The following PTPN14 variants were observed in gnomAD, a reference collection of about 807,000 sequenced individuals.
PTPN14 encodes the protein protein tyrosine phosphatase non-receptor type 14.
In PTPN14, 53 loss-of-function variants were observed where a neutral mutation model predicts 126.8. The observed-to-expected ratio is 0.42, with a 90% confidence interval of 0.34 to 0.53. The LOEUF (loss-of-function observed/expected upper bound fraction) is 0.53, where lower values mean the gene tolerates loss of function less well. PTPN14 is among the 20% of genes least tolerant of loss of function. The probability of loss-of-function intolerance (pLI) is 0.08; values close to 1 mark genes in which losing one functional copy is unlikely to be tolerated. For missense variants in PTPN14, 1,257 were observed against 1,552.9 expected, an observed-to-expected ratio of 0.81 and a Z score of 3.20; for synonymous variants, 630 against 599.3, an observed-to-expected ratio of 1.05 and a Z score of -0.75.
chr1:214,365,799 G>C (rs1017366866), intron 17 of PTPN14, among the ~76,000 whole-genome samples: 1 of 152,156 alleles, frequency 6.6e-6, no homozygotes, highest in Non-Finnish European at 1.5e-5. Context: ...ATGATGACTA[G>C]TAGTAGTTAT....
At chr1:214,467,331 GA>G (rs1442287482) in intron 1 of PTPN14, among the ~76,000 whole-genome samples, 1 of 152,088 alleles carries the variant, frequency 6.6e-6, no homozygotes, top group Admixed American at 6.6e-5. Context: ...CTCAAACAGA[GA>G]AAAATATTTG....
intron 1 of PTPN14, among the ~76,000 whole-genome samples, chr1:214,546,720 G>A (rs187923041): frequency 1.4e-4 from 21 of 152,222 alleles, no homozygotes; most frequent in Admixed American, 7.2e-4. Context: ...CTAGGGTTAC[G>A]GCTCTCTGGA....
chr1:214,497,117 C>T (rs367881878), intron 1 of PTPN14, among the ~76,000 whole-genome samples: 2 of 150,300 alleles, frequency 1.3e-5, no homozygotes, highest in African/African-American at 4.9e-5. Flanking sequence ...ATTGGGGCAG[C>T]GGTGGGGGGT....
chr1:214,419,874 T>A lies in PTPN14; in HGVS notation c.345-5148A>T, dbSNP rs4655343. Among the ~76,000 whole-genome samples the A allele has an allele frequency of 6.1e-3, 934 of 152,146 alleles. 5 individuals carry two copies. Among genetic ancestry groups the A allele is most frequent in the African/African-American group, 0.021 (868 of 41,522 alleles). ...GGACAGGGTGGCCCATGCTGTTCTC[T>A]GTCTGCCAGGACCAGATAAATACTA... is the stretch of plus-strand genomic sequence containing the variant. On this transcript the variant is annotated intron_variant, in intron 3 of 18. Coordinates refer to ENST00000366956, the MANE Select transcript of PTPN14 (RefSeq NM_005401.5).
intron 1 of PTPN14, among the ~76,000 whole-genome samples, chr1:214,534,369 C>G (rs956849189): frequency 1.3e-5 from 2 of 152,130 alleles, no homozygotes; most frequent in Non-Finnish European, 2.9e-5. Context: ...TGGGGAAAAT[C>G]TGAGTATCAA....
At position 214,400,083 on chromosome 1, in the gene PTPN14, C is replaced by A. The variant is rs747484966; in HGVS notation, c.669+1602G>T. On this transcript the variant is annotated intron_variant, in intron 7 of 18. Transcript: ENST00000366956. ...TTGAAAATTTTTGAGGAACCACTCACGGAAAAGTTCATGCTAAATTCAAGT... is the reference window on the plus strand; with the variant it reads ...TTGAAAATTTTTGAGGAACCACTCAAGGAAAAGTTCATGCTAAATTCAAGT... Among the ~76,000 whole-genome samples the A allele has an allele frequency of 2.6e-5, 4 of 152,234 alleles. No individual in the cohort carries two copies. In the East Asian group the frequency reaches 7.7e-4, roughly 29 times the overall value.
intron 1 of PTPN14, among the ~76,000 whole-genome samples, chr1:214,500,493 C>CT (rs1306482374): frequency 6.6e-6 from 1 of 152,194 alleles, no homozygotes; most frequent in Non-Finnish European, 1.5e-5. Flanking sequence ...CAACACCCTC[C>CT]TCCTTCAACT....
At chr1:214,468,196 G>T (rs1224116329) in intron 1 of PTPN14, among the ~76,000 whole-genome samples, 1 of 152,252 alleles carries the variant, frequency 6.6e-6, no homozygotes, top group Non-Finnish European at 1.5e-5. Flanking sequence ...AGAGATGCCA[G>T]TGGATATAGC....
intron 1 of PTPN14, among the ~76,000 whole-genome samples, chr1:214,541,582 G>A (rs947709262): frequency 6.6e-5 from 10 of 152,116 alleles, no homozygotes; most frequent in Admixed American, 1.3e-4. Flanking sequence ...GAGGGCTTTC[G>A]CAGGCCACAG....
intron 5 of PTPN14, among the ~76,000 whole-genome samples, chr1:214,411,022 T>G (rs1478372105): frequency 6.6e-6 from 1 of 152,194 alleles, no homozygotes; most frequent in Non-Finnish European, 1.5e-5. Flanking sequence ...TTGCATTAAT[T>G]TGTAGATTAC....
rs149907903 is a variant in PTPN14, at chr1:214,489,193, A to G, written c.-154-24236T>C. 1.9e-4 allele frequency among the ~76,000 whole-genome samples: 29 copies of G among 152,306 alleles called. 1 individual carries two copies. The highest frequency in any genetic ancestry group is 3.2e-4 in the Non-Finnish European group (22 of 68,026). On this transcript the variant is annotated intron_variant, in intron 1 of 18. Coordinates refer to ENST00000366956, the MANE Select transcript of PTPN14 (RefSeq NM_005401.5). ...TGGTGTTAAGCATTTTCAGTTTGTT[A>G]TATCATTTGGCCCTCATAACAGTAC... is the stretch of plus-strand genomic sequence containing the variant.
At chr1:214,435,441 A>G (rs1659890647) in intron 3 of PTPN14, among the ~76,000 whole-genome samples, 1 of 152,194 alleles carries the variant, frequency 6.6e-6, no homozygotes, top group African/African-American at 2.4e-5. Flanking sequence ...ATTTTAAACC[A>G]GAAAGGAAAA....
intron 3 of PTPN14, among the ~76,000 whole-genome samples, chr1:214,442,736 T>C (rs1433033608): frequency 6.6e-6 from 1 of 152,200 alleles, no homozygotes; most frequent in African/African-American, 2.4e-5. Context: ...TTCGGCTAAG[T>C]TAACTTCATC....
intron 1 of PTPN14, among the ~76,000 whole-genome samples, chr1:214,541,966 A>C (rs750386738): frequency 6.6e-6 from 1 of 152,132 alleles, no homozygotes; most frequent in Non-Finnish European, 1.5e-5. Flanking sequence ...TAGAAGGGAG[A>C]ATGTAATAAA....
At position 214,349,058 on chromosome 1, in the gene PTPN14, C is replaced by T. The variant is rs1390839817; in HGVS notation, c.*8864G>A. 6.6e-6 allele frequency: 1 copy of T among 152,170 alleles called. No individual in the cohort carries two copies. Among genetic ancestry groups the T allele is most frequent in the Non-Finnish European group, 1.5e-5 (1 of 68,036 alleles). The allele number at this position is 152,170 out of a possible 1,614,324, so 9.4% of individuals were successfully genotyped here. A position where few individuals can be genotyped will look rare whatever the true frequency, so the allele number is the denominator to read the frequency against. On this transcript the variant is annotated 3_prime_UTR_variant, in exon 19 of 19. Transcript: ENST00000366956. ...GGAGTCTATACCAAAGTACAGTTGACATGAATAGTGATAAAAATCACTCCC... is the reference window on the plus strand; with the variant it reads ...GGAGTCTATACCAAAGTACAGTTGATATGAATAGTGATAAAAATCACTCCC...
chr1:214,385,510 T>C (rs184424033), intron 12 of PTPN14, among the ~76,000 whole-genome samples: 1 of 151,842 alleles, frequency 6.6e-6, no homozygotes, highest in African/African-American at 2.4e-5. Context: ...GATTGATTTC[T>C]ACAATCAGGC....
At chr1:214,433,906 T>C (rs1161576542) in intron 3 of PTPN14, among the ~76,000 whole-genome samples, 2 of 132,506 alleles carry the variant, frequency 1.5e-5, no homozygotes, top group East Asian at 2.3e-4. Context: ...CTGGGCAACA[T>C]AGTGAGACAT....
chr1:214,543,590 C>G (rs980733286), intron 1 of PTPN14, among the ~76,000 whole-genome samples: 1 of 151,938 alleles, frequency 6.6e-6, no homozygotes, highest in Admixed American at 6.6e-5. Context: ...GCTCTTATCC[C>G]TCAGGTCAGC....
intron 1 of PTPN14, among the ~76,000 whole-genome samples, chr1:214,467,854 CA>C (rs2102656986): frequency 6.6e-6 from 1 of 152,112 alleles, no homozygotes; most frequent in African/African-American, 2.4e-5. Flanking sequence ...CTCCAGTTGA[CA>C]AAAATACTTG....
Sources: gnomAD v4.1 joint callset for allele counts (sites outside exome capture counted in the v4.1 genomes callset) on GRCh38, gnomAD v4.1.1 for gene constraint, MANE v1.5 for transcripts, NCBI Gene and HGNC (gene_info 2026-07-23, HGNC 2026-07-21) for gene names.